Variants in SLC9A9 observed in about 807,000 individuals in gnomAD.
SLC9A9 encodes solute carrier family 9 member A9.
Under a neutral mutation model 77.8 loss-of-function variants are expected in SLC9A9, and 62 were observed. The observed-to-expected ratio is 0.80, with a 90% confidence interval of 0.65 to 0.98. The LOEUF (loss-of-function observed/expected upper bound fraction) is 0.98, where lower values mean the gene tolerates loss of function less well. Among genes scored for constraint, SLC9A9 ranks in the 50% least tolerant of loss-of-function variants. The pLI is 0.00. For synonymous variants in SLC9A9, 320 were observed against 283.5 expected (o/e 1.13, Z -1.29); for missense variants, 775 against 774.9 (o/e 1.00, Z 0.00).
chr3:143,429,919 T>C (rs1265201003), intron 12 of SLC9A9, among the ~76,000 whole-genome samples: 3 of 152,190 alleles, frequency 2.0e-5, no homozygotes, highest in Non-Finnish European at 4.4e-5. Flanking sequence ...TCTTTCAAAT[T>C]TGTTACTTTA....
chr3:143,513,555 A>G (rs1406942253), intron 9 of SLC9A9, among the ~76,000 whole-genome samples: 2 of 152,198 alleles, frequency 1.3e-5, no homozygotes, highest in Non-Finnish European at 2.9e-5. Context: ...ACCTCCTTTC[A>G]TAAATCACAA....
intron 9 of SLC9A9, among the ~76,000 whole-genome samples, chr3:143,509,567 C>A (rs1352439687): frequency 1.3e-5 from 2 of 152,018 alleles, no homozygotes; most frequent in Admixed American, 1.3e-4. Context: ...CTCTTTGTAT[C>A]CAAGGAAGAA....
At chr3:143,690,677 T>C (rs906037927) in intron 5 of SLC9A9, among the ~76,000 whole-genome samples, 2 of 152,156 alleles carry the variant, frequency 1.3e-5, no homozygotes, top group Non-Finnish European at 2.9e-5. Context: ...GTATCATCTA[T>C]GTAAAAATCC....
chr3:143,606,347 G>T (rs1490562746), intron 6 of SLC9A9, among the ~76,000 whole-genome samples: 3 of 149,984 alleles, frequency 2.0e-5, no homozygotes, highest in South Asian at 2.1e-4. Flanking sequence ...CGAGATGGAG[G>T]TTGCAGTGAG....
intron 4 of SLC9A9, among the ~76,000 whole-genome samples, chr3:143,770,905 A>G (rs16854254): frequency 0.36 from 55,206 of 151,938 alleles, 10,298 homozygotes; most frequent in Non-Finnish European, 0.39. Flanking sequence ...AATAGCTCCT[A>G]AACAAGTTTA....
chr3:143,606,424 C>CTATATATATATA (rs1344107238), intron 6 of SLC9A9, among the ~76,000 whole-genome samples: 1 of 74,620 alleles, frequency 1.3e-5, no homozygotes. Flanking sequence ...CTCTCTCTCT[C>CTATATATATATA]TCTCTCTCTC....
At chr3:143,478,798 T>C (rs990308800) in intron 11 of SLC9A9, among the ~76,000 whole-genome samples, 8 of 152,220 alleles carry the variant, frequency 5.3e-5, no homozygotes, top group African/African-American at 1.4e-4. Flanking sequence ...TGTTAATAGT[T>C]TTCTAAGGTT....
intron 12 of SLC9A9, among the ~76,000 whole-genome samples, chr3:143,442,860 ATGT>A (rs763803827): frequency 4.6e-5 from 7 of 152,134 alleles, no homozygotes; most frequent in Non-Finnish European, 7.4e-5. Flanking sequence ...AGAGGACATG[ATGT>A]TGTGTAAGAA....
chr3:143,485,670 G>T (rs2035642790), intron 11 of SLC9A9, among the ~76,000 whole-genome samples: 1 of 151,988 alleles, frequency 6.6e-6, no homozygotes. Context: ...CATAATATTA[G>T]ACTCAAATGT....
At chr3:143,814,964 G>A (rs547245071) in intron 2 of SLC9A9, among the ~76,000 whole-genome samples, 25 of 147,434 alleles carry the variant, frequency 1.7e-4, no homozygotes, top group Non-Finnish European at 3.3e-4. Context: ...GCTGAGCAGT[G>A]GCTTTTTCAG....
At chr3:143,728,068 A>G (rs1245885256) in intron 4 of SLC9A9, among the ~76,000 whole-genome samples, 1 of 152,108 alleles carries the variant, frequency 6.6e-6, no homozygotes, top group Non-Finnish European at 1.5e-5. Context: ...GCTAGTTGTT[A>G]GTGGGTGGAG....
At chr3:143,478,241 C>T (rs1186615953) in intron 11 of SLC9A9, among the ~76,000 whole-genome samples, 1 of 152,238 alleles carries the variant, frequency 6.6e-6, no homozygotes, top group African/African-American at 2.4e-5. Flanking sequence ...CACATGCTTT[C>T]ACTTCGACTT....
intron 13 of SLC9A9, among the ~76,000 whole-genome samples, chr3:143,377,815 G>A (rs2033215244): frequency 6.6e-6 from 1 of 152,124 alleles, no homozygotes; most frequent in Admixed American, 6.5e-5. Context: ...TAACACCATG[G>A]CCAATGGTCT....
intron 7 of SLC9A9, among the ~76,000 whole-genome samples, chr3:143,577,420 C>T (rs530614162): frequency 6.6e-6 from 1 of 152,306 alleles, no homozygotes; most frequent in Admixed American, 6.5e-5. Context: ...ATGCCCAAAA[C>T]CCACTCTGCT....
intron 6 of SLC9A9, among the ~76,000 whole-genome samples, chr3:143,633,178 G>C (rs1309404879): frequency 1.3e-5 from 2 of 152,208 alleles, no homozygotes; most frequent in South Asian, 4.2e-4. Flanking sequence ...AGGTGATCAG[G>C]ATACAGCATA....
At chr3:143,512,316 T>C (rs75866098) in intron 9 of SLC9A9, among the ~76,000 whole-genome samples, 1,529 of 152,330 alleles carry the variant, frequency 0.01, 12 homozygotes, top group Non-Finnish European at 0.017. Context: ...AAGGAAATAA[T>C]GTAACAAGTA....
At chr3:143,423,683 CTG>C (rs1478373735) in intron 12 of SLC9A9, among the ~76,000 whole-genome samples, 7 of 152,116 alleles carry the variant, frequency 4.6e-5, no homozygotes, top group African/African-American at 1.7e-4. Flanking sequence ...TTGATGAGGA[CTG>C]AGATATTTAT....
intron 6 of SLC9A9, among the ~76,000 whole-genome samples, chr3:143,640,989 C>T (rs1170010455): frequency 6.6e-6 from 1 of 152,148 alleles, no homozygotes; most frequent in Non-Finnish European, 1.5e-5. Flanking sequence ...GAAAATGTCC[C>T]TTGTGTACCA....
At chr3:143,769,968 A>G (rs2007459787) in intron 4 of SLC9A9, among the ~76,000 whole-genome samples, 1 of 152,218 alleles carries the variant, frequency 6.6e-6, no homozygotes, top group African/African-American at 2.4e-5. Flanking sequence ...ATGAGTGCTT[A>G]TAAATAGCCT....
Sources: allele counts gnomAD v4.1 joint callset (sites outside exome capture counted in the v4.1 genomes callset), GRCh38; gene constraint gnomAD v4.1.1; transcripts MANE v1.5; gene names NCBI Gene and HGNC (gene_info 2026-07-23, HGNC 2026-07-21).